The following TP53AIP1 variants were observed in gnomAD, a reference collection of about 807,000 sequenced individuals.
TP53AIP1 encodes p53-regulated apoptosis-inducing protein 1.
In TP53AIP1, 14 loss-of-function variants were observed where a neutral mutation model predicts 9.5. The observed-to-expected ratio is 1.47, with a 90% confidence interval of 0.97 to 2.30. The LOEUF is 2.30. TP53AIP1 is among the 30% of genes most tolerant of loss of function. TP53AIP1 has a pLI of 0.00. For missense variants in TP53AIP1, 153 were observed against 146.7 expected, an observed-to-expected ratio of 1.04 and a Z score of -0.22; for synonymous variants, 73 against 61.2, an observed-to-expected ratio of 1.19 and a Z score of -0.90.
In TP53AIP1 at chr11:128,935,548, T is replaced by C. The variant is rs527828300; in HGVS notation, c.*43A>G. 2 of 1,528,628 alleles carry C rather than the reference T, an allele frequency of 1.3e-6. No individual in the cohort carries two copies. The highest frequency in any genetic ancestry group is 2.4e-5 in the South Asian group (2 of 82,698). 94.7% of individuals were successfully genotyped at this position (1,528,628 alleles called of 1,614,324 possible). On this transcript the variant is annotated 3_prime_UTR_variant, in exon 4 of 4. Coordinates refer to ENST00000531399, the MANE Select transcript of TP53AIP1 (RefSeq NM_022112.3). ...TTTGTTTTTGTTTTGAGATGGAGTC[T>C]CTCTCTGTCGCCCAGGCTGGAGTGC...
rs1483090849 is a variant in TP53AIP1 at position 128,935,495 on chromosome 11, T to C, written c.*96A>G. On this transcript the variant is annotated 3_prime_UTR_variant, in exon 4 of 4. Transcript: ENST00000531399. ...TGGCCGCTAGTCAGCGCTGGAGCCA[T>C]TTCTCGACGGTGCTTTCTGTTTGTT... is the stretch of plus-strand genomic sequence containing the variant. 5 of 1,482,236 alleles carry C rather than the reference T, an allele frequency of 3.4e-6. No homozygotes were observed. Among genetic ancestry groups the C allele is most frequent in the Non-Finnish European group, 4.5e-6 (5 of 1,121,570 alleles). 91.8% of individuals were successfully genotyped at this position (1,482,236 alleles called of 1,614,324 possible).
At chr11:128,936,116 TGTACACACAGCTCCTAA>T in intron 3 of TP53AIP1, 1 of 965,408 alleles carries the variant, frequency 1.0e-6, no homozygotes, top group Non-Finnish European at 1.3e-6. Context: ...GTCCTGCCCA[TGTACACACAGCTCCTAA>T]GTGGTAGAGT....
chr11:128,940,510 T>C (rs548287684), intron 1 of TP53AIP1, among the ~76,000 whole-genome samples: 1 of 152,290 alleles, frequency 6.6e-6, no homozygotes, highest in South Asian at 2.1e-4. Flanking sequence ...TCGTTGCCCT[T>C]CCACCTTCAG....
chr11:128,935,882 A>C, intron 3 of TP53AIP1, 170 bp from the exon 4 acceptor site: 3 of 1,319,710 alleles, frequency 2.3e-6, no homozygotes, highest in Non-Finnish European at 2.9e-6. Flanking sequence ...AGACAGGAAA[A>C]AAAATCTTTA....
Position 128,939,960 on chromosome 11 carries a change from G to A in TP53AIP1, c.-76-2066C>T, listed in dbSNP as rs999119858. Among the ~76,000 whole-genome samples, 3 of 152,138 alleles carry A rather than the reference G, an allele frequency of 2.0e-5. No homozygotes were observed. The highest frequency in any genetic ancestry group is 2.9e-5 in the Non-Finnish European group (2 of 68,032). On this transcript the variant is annotated intron_variant, in intron 1 of 3. Coordinates refer to ENST00000531399, the MANE Select transcript of TP53AIP1 (RefSeq NM_022112.3). This position sits in a 1 kb window ranked among gnomAD's most constrained non-coding sequence, Gnocchi z 4.1. ...CAGGTTGCACACGGCCAGTGGTCCC[G>A]GGATATCCAGGGAGCCACTCAGAGG...
In TP53AIP1 at chr11:128,937,322, A is replaced by G; in HGVS notation, c.141+356T>C. ...AGCCTTCCCTCCCCATGCGCTCCAC[A>G]TGCGTCCTTTGTTCAGCCTCTCCAT... On this transcript the variant is annotated intron_variant, in intron 2 of 3. Coordinates refer to ENST00000531399, the MANE Select transcript of TP53AIP1 (RefSeq NM_022112.3). This position sits in a 1 kb window ranked among gnomAD's most constrained non-coding sequence, Gnocchi z 4.8. The G allele has an allele frequency of 7.1e-7, 1 of 1,405,136 alleles. No individual in the cohort carries two copies. Among genetic ancestry groups the G allele is most frequent in the East Asian group, 2.6e-5 (1 of 38,726 alleles). 87.0% of individuals were successfully genotyped at this position (1,405,136 alleles called of 1,614,324 possible).
intron 1 of TP53AIP1, among the ~76,000 whole-genome samples, chr11:128,940,890 A>G (rs1265046114): frequency 6.6e-6 from 1 of 152,316 alleles, no homozygotes. Context: ...CGCCGCCAGC[A>G]TCAGGAAGTT....
intron 2 of TP53AIP1, 186 bp from the exon 3 acceptor site, chr11:128,936,835 T>C: frequency 7.0e-7 from 1 of 1,420,976 alleles, no homozygotes; most frequent in Non-Finnish European, 9.1e-7. Flanking sequence ...AAAAGGCTCC[T>C]CAAGGTCAGT....
chr11:128,935,160 C>T, downstream of TP53AIP1: 1 of 899,606 alleles, frequency 1.1e-6, no homozygotes, highest in South Asian at 1.4e-5. Flanking sequence ...CCGGGGCTTG[C>T]TGGTTGGCAT....
downstream of TP53AIP1, chr11:128,935,160 C>A: frequency 1.1e-6 from 1 of 899,606 alleles, no homozygotes; most frequent in Non-Finnish European, 1.8e-6. Context: ...CCGGGGCTTG[C>A]TGGTTGGCAT....
At chr11:128,941,547 A>C (rs1944942122) in intron 1 of TP53AIP1, among the ~76,000 whole-genome samples, 1 of 151,822 alleles carries the variant, frequency 6.6e-6, no homozygotes, top group African/African-American at 2.4e-5. Context: ...CCCTGTACCC[A>C]TTTCTCCCTT....
downstream of TP53AIP1, chr11:128,935,315 G>A (rs936313706): frequency 3.1e-5 from 44 of 1,417,998 alleles, no homozygotes; most frequent in South Asian, 7.9e-5. Flanking sequence ...GAGATGCATC[G>A]TTTTTAGTTT....
chr11:128,937,303 C>T lies in TP53AIP1; in HGVS notation c.141+375G>A. 1 of 1,361,532 alleles carries T rather than the reference C, an allele frequency of 7.3e-7. No individual in the cohort carries two copies. The highest frequency in any genetic ancestry group is 9.4e-7 in the Non-Finnish European group (1 of 1,060,772). 84.3% of individuals were successfully genotyped at this position (1,361,532 alleles called of 1,614,324 possible). A position where few individuals can be genotyped will look rare whatever the true frequency, so the allele number is the denominator to read the frequency against. ...GCCCGGAGCCCTGCACCCCAGCCTTCCCTCCCCATGCGCTCCACATGCGTC... is the reference window on the plus strand; with the variant it reads ...GCCCGGAGCCCTGCACCCCAGCCTTTCCTCCCCATGCGCTCCACATGCGTC... On this transcript the variant is annotated intron_variant, in intron 2 of 3. Transcript: ENST00000531399. This position sits in a 1 kb window ranked among gnomAD's most constrained non-coding sequence, Gnocchi z 4.8.
chr11:128,938,332 C>A (rs1044176194), intron 1 of TP53AIP1, among the ~76,000 whole-genome samples: 3 of 152,116 alleles, frequency 2.0e-5, no homozygotes, highest in African/African-American at 7.2e-5. Flanking sequence ...AGTAAGCTCT[C>A]AGATTCAGGG....
Position 128,939,011 on chromosome 11 carries a change from T to C in TP53AIP1, c.-76-1117A>G, listed in dbSNP as rs1406514214. Among the ~76,000 whole-genome samples, 1 of 152,184 alleles carries C rather than the reference T, an allele frequency of 6.6e-6. No homozygotes were observed. Among genetic ancestry groups the C allele is most frequent in the Non-Finnish European group, 1.5e-5 (1 of 68,030 alleles). ...TTTGGTACATGCTGGCCATGTGCGG[T>C]GACCACGCTAAGTACTGTGCGTGTA... On this transcript the variant is annotated intron_variant, in intron 1 of 3. Coordinates refer to ENST00000531399, the MANE Select transcript of TP53AIP1 (RefSeq NM_022112.3). The surrounding 1 kb of genome is among the most constrained non-coding windows in gnomAD (Gnocchi z 4.1).
chr11:128,935,758 T>TC, intron 3 of TP53AIP1, 46 bp from the exon 4 acceptor site: 1 of 1,484,060 alleles, frequency 6.7e-7, no homozygotes, highest in Non-Finnish European at 8.9e-7. Context: ...ACGTATGGAG[T>TC]CCTTGTTATT....
At chr11:128,936,367 C>A in intron 3 of TP53AIP1, 171 bp downstream of exon 3, 1 of 1,404,420 alleles carries the variant, frequency 7.1e-7, no homozygotes, top group Non-Finnish European at 9.2e-7. Flanking sequence ...TAAAATACAT[C>A]CACAGCAGTT....
chr11:128,940,915 C>T (rs979491211), intron 1 of TP53AIP1, among the ~76,000 whole-genome samples: 21 of 152,156 alleles, frequency 1.4e-4, no homozygotes, highest in African/African-American at 4.6e-4. Context: ...TCGACAAGCC[C>T]GGGCAAGAGA....
rs986390972 is a variant in TP53AIP1 at position 128,935,849 on chromosome 11, G to C, written c.254-137C>G. On this transcript the variant is annotated intron_variant, in intron 3 of 3. Transcript: ENST00000531399. ...AATCTAAAACACAATCCATTGTAAGGCACATCATTATTCTATCTCCCAAGA... is the reference window on the plus strand; with the variant it reads ...AATCTAAAACACAATCCATTGTAAGCCACATCATTATTCTATCTCCCAAGA... The C allele has an allele frequency of 1.0e-5, 14 of 1,358,594 alleles. No homozygotes were observed. In the African/African-American group the frequency reaches 1.8e-4, roughly 17 times the overall value. The allele number at this position is 1,358,594 out of a possible 1,614,324, so 84.2% of individuals were successfully genotyped here.
Sources: allele counts gnomAD v4.1 joint callset (sites outside exome capture counted in the v4.1 genomes callset), GRCh38; gene constraint gnomAD v4.1.1; non-coding constraint Gnocchi (gnomAD v3.1); transcripts MANE v1.5; gene names NCBI Gene and HGNC (gene_info 2026-07-23, HGNC 2026-07-21).